Variants in MROH2A observed in about 807,000 individuals in gnomAD.
The protein encoded by MROH2A is maestro heat like repeat family member 2A.
A neutral mutation model predicts 200.4 loss-of-function variants in MROH2A; 174 were observed. The observed-to-expected ratio is 0.87, with a 90% CI of 0.77 to 0.98. The LOEUF is 0.98. Ranked by LOEUF, MROH2A falls within the 50% of genes least tolerant of loss-of-function variation. MROH2A has a pLI of 0.00. For synonymous variants in MROH2A, 829 were observed against 840.4 expected (o/e 0.99, Z 0.23); for missense variants, 2,045 against 2,139.6 (o/e 0.96, Z 0.87).
intron 26 of MROH2A, among the ~76,000 whole-genome samples, chr2:233,815,693 A>G (rs1017643523): frequency 1.3e-5 from 2 of 152,186 alleles, no homozygotes; most frequent in African/African-American, 4.8e-5. Flanking sequence ...TTGAAAATCA[A>G]AGGCTATGTA....
intron 35 of MROH2A, among the ~76,000 whole-genome samples, chr2:233,824,466 A>G (rs1038894611): frequency 2.6e-5 from 4 of 152,158 alleles, no homozygotes; most frequent in Non-Finnish European, 5.9e-5. Flanking sequence ...CAAAATGAGG[A>G]TGGGAAGGAG....
At position 233,779,911 on chromosome 2, in the gene MROH2A, C is replaced by G; in HGVS notation, c.276+59C>G. 9.7e-6 allele frequency: 13 copies of G among 1,334,918 alleles called. No homozygotes were observed. The South Asian group carries it at 1.6e-4, about 17-fold the overall frequency. The allele number at this position is 1,334,918 out of a possible 1,614,324, so 82.7% of individuals were successfully genotyped here. ...TTTAGCTCTGTGTGCATCCATCCAC[C>G]ACCCAGCACATAGTTACTGACTATC... On this transcript the variant is annotated intron_variant, in intron 3 of 41. Coordinates refer to ENST00000389758, the MANE Select transcript of MROH2A (RefSeq NM_001394639.1).
Position 233,823,551 on chromosome 2 carries a change from T to C in MROH2A, c.4005-5T>C. 6.5e-7 allele frequency: 1 copy of C among 1,549,622 alleles called. No homozygotes were observed. ...CCACGACCTGGCACTGTCTCTCCTC[T>C]GCAGGCTGTGCATGCAGCACGTGGA... On this transcript the variant is annotated splice_polypyrimidine_tract_variant and splice_region_variant and intron_variant, in intron 34 of 41. Coordinates refer to ENST00000389758, the MANE Select transcript of MROH2A (RefSeq NM_001394639.1).
chr2:233,796,169 G>A lies in MROH2A; in HGVS notation c.1139-31G>A, dbSNP rs571320943. 3.1e-4 allele frequency: 470 copies of A among 1,533,490 alleles called. 2 individuals are homozygous for A. The African/African-American group carries it at 5.9e-3, about 19-fold the overall frequency. 95.0% of individuals were successfully genotyped at this position (1,533,490 alleles called of 1,614,324 possible). A position where few individuals can be genotyped will look rare whatever the true frequency, so the allele number is the denominator to read the frequency against. ...GCTGGGCCTGCTCTGGACCCGGTGAGCATGACTAAAGCTGTCCTTCCACCC... is the reference window on the plus strand; with the variant it reads ...GCTGGGCCTGCTCTGGACCCGGTGAACATGACTAAAGCTGTCCTTCCACCC... On this transcript the variant is annotated intron_variant, in intron 10 of 41. Transcript: ENST00000389758.
At chr2:233,800,637 G>A (rs1023146676) in intron 14 of MROH2A, among the ~76,000 whole-genome samples, 168 of 151,330 alleles carry the variant, frequency 1.1e-3, no homozygotes, top group African/African-American at 3.9e-3. Context: ...GTGTATGTGT[G>A]TGTGTGTGTG....
At chr2:233,819,601 G>A (rs1703795500) in intron 30 of MROH2A, 132 bp downstream of exon 30, 3 of 1,026,540 alleles carry the variant, frequency 2.9e-6, no homozygotes, top group South Asian at 3.3e-5. Flanking sequence ...TGCTAAAGAG[G>A]AGGAGGAAAC....
At chr2:233,804,285 G>A in intron 17 of MROH2A, 93 bp downstream of exon 17, 7 of 1,496,308 alleles carry the variant, frequency 4.7e-6, no homozygotes, top group Non-Finnish European at 6.3e-6. Flanking sequence ...GAGAGCTGAG[G>A]CTCACAGTTG....
In MROH2A at chr2:233,784,180, C is replaced by T. The variant is rs138286605; in HGVS notation, c.276+4328C>T. Among the ~76,000 whole-genome samples, 125 of 152,012 alleles carry T rather than the reference C, an allele frequency of 8.2e-4. 1 individual carries two copies. Among genetic ancestry groups the T allele is most frequent in the African/African-American group, 2.9e-3 (120 of 41,468 alleles). ...CTTTTTTGAGATAGGCTTTTATTGTCGTAAACTTCCCTGTTATACTGCTTT... is the reference window on the plus strand; with the variant it reads ...CTTTTTTGAGATAGGCTTTTATTGTTGTAAACTTCCCTGTTATACTGCTTT... On this transcript the variant is annotated intron_variant, in intron 3 of 41. Coordinates refer to ENST00000389758, the MANE Select transcript of MROH2A (RefSeq NM_001394639.1).
chr2:233,806,756 T>G (rs1479292001), intron 19 of MROH2A, among the ~76,000 whole-genome samples: 1 of 152,218 alleles, frequency 6.6e-6, no homozygotes, highest in Non-Finnish European at 1.5e-5. Flanking sequence ...TTATGTAGTC[T>G]GACCTCCCAG....
chr2:233,818,953 A>G (rs1030608026), intron 29 of MROH2A, among the ~76,000 whole-genome samples, 183 bp downstream of exon 29: 8 of 152,142 alleles, frequency 5.3e-5, no homozygotes, highest in African/African-American at 1.9e-4. Context: ...TCATGTCCCT[A>G]CTTTGTCTCT....
At chr2:233,825,862 C>A (rs115532570) in intron 35 of MROH2A, among the ~76,000 whole-genome samples, 1 of 148,330 alleles carries the variant, frequency 6.7e-6, no homozygotes, top group African/African-American at 2.5e-5. Context: ...CCTTCCTTTT[C>A]AATGGTTTGG....
chr2:233,819,489 G>T lies in MROH2A; in HGVS notation c.3357+20G>T, dbSNP rs1007244437. 6.5e-7 allele frequency: 1 copy of T among 1,547,744 alleles called. No homozygotes were observed. Among genetic ancestry groups the T allele is most frequent in the Non-Finnish European group, 8.7e-7 (1 of 1,145,972 alleles). Reference sequence around the variant, plus strand: ...GACAAGGTGGCAGAGCCGCGGCAGGGCCACCAGAGAGAGGGGCTGGGGCTG... The same window carrying T: ...GACAAGGTGGCAGAGCCGCGGCAGGTCCACCAGAGAGAGGGGCTGGGGCTG... On this transcript the variant is annotated intron_variant, in intron 30 of 41. Coordinates refer to ENST00000389758, the MANE Select transcript of MROH2A (RefSeq NM_001394639.1).
intron 35 of MROH2A, among the ~76,000 whole-genome samples, chr2:233,827,233 A>G (rs7565231): frequency 0.089 from 13,505 of 152,250 alleles, 655 homozygotes; most frequent in African/African-American, 0.13. Flanking sequence ...CATATACCCA[A>G]AGGAATATAA....
intron 11 of MROH2A, among the ~76,000 whole-genome samples, chr2:233,797,530 A>G (rs1397333216): frequency 6.6e-6 from 1 of 152,202 alleles, no homozygotes; most frequent in Non-Finnish European, 1.5e-5. Flanking sequence ...GAGTGTATTA[A>G]GTGTAGCAAT....
At position 233,822,516 on chromosome 2, in the gene MROH2A, G is replaced by T. The variant is rs2124876803; in HGVS notation, c.3826G>T (p.Val1276Phe). 7.1e-6 allele frequency: 11 copies of T among 1,550,550 alleles called. No individual in the cohort carries two copies. The highest frequency in any genetic ancestry group is 9.6e-6 in the Non-Finnish European group (11 of 1,147,046). ...APPVLKMWKL[V>F]HTTPLPEEMN... ...GCCGGTCTTGAAGATGTGGAAGCTG[G>T]TCCACACCACTCCTCTGCCGGAGGA... The change falls in exon 33 of 42, where the codon GTC becomes TTC. Residue 1276 changes from valine (V) to phenylalanine (F), a missense_variant. By Grantham distance (50) the Val-to-Phe change is conservative. Coordinates refer to ENST00000389758, the MANE Select transcript of MROH2A (RefSeq NM_001394639.1).
At chr2:233,812,956 A>G (rs749158849) in intron 24 of MROH2A, among the ~76,000 whole-genome samples, 35 of 152,200 alleles carry the variant, frequency 2.3e-4, no homozygotes, top group South Asian at 4.2e-4. Context: ...GTGGCTCTCA[A>G]CTCTAGGGGC....
chr2:233,823,053 C>T, intron 34 of MROH2A, 35 bp downstream of exon 34: 1 of 1,547,482 alleles, frequency 6.5e-7, no homozygotes, highest in Non-Finnish European at 8.7e-7. Flanking sequence ...GCAGGGGGAC[C>T]TGCAGAGGCA....
rs997140432 is a variant in MROH2A at position 233,811,670 on chromosome 2, G to A, written c.2572-210G>A. Among the ~76,000 whole-genome samples the A allele has an allele frequency of 5.3e-5, 8 of 152,234 alleles. No homozygotes were observed. In the East Asian group the frequency reaches 5.8e-4, roughly 11 times the overall value. On this transcript the variant is annotated intron_variant, in intron 23 of 41. Transcript: ENST00000389758. ...GGCACACAGCAAGTAGATGAGCAGC[G>A]CGAGCTGGGAGCCCAGGCCCACTTT...
chr2:233,810,576 C>T (rs188038922), intron 22 of MROH2A, among the ~76,000 whole-genome samples: 82 of 152,340 alleles, frequency 5.4e-4, no homozygotes, highest in African/African-American at 1.8e-3. Context: ...GGTGCTGCAC[C>T]TCACCTCGTA....
Sources: allele counts gnomAD v4.1 joint callset (sites outside exome capture counted in the v4.1 genomes callset), GRCh38; gene constraint gnomAD v4.1.1; transcripts MANE v1.5; gene names NCBI Gene and HGNC (gene_info 2026-07-23, HGNC 2026-07-21).